The following SAMMSON variants were observed in gnomAD, a reference collection of about 807,000 sequenced individuals.
The protein encoded by SAMMSON is long intergenic non-protein coding RNA 1212.
chr3:70,315,080 A>T (rs1276248968), intron 7 of SAMMSON, among the ~76,000 whole-genome samples: 7 of 152,178 alleles, frequency 4.6e-5, no homozygotes, highest in Non-Finnish European at 4.4e-5. Flanking sequence ...ACTATGATAT[A>T]ATTATTTAAG....
intron 4 of SAMMSON, among the ~76,000 whole-genome samples, chr3:70,094,079 C>A (rs1405655130): frequency 6.6e-6 from 1 of 152,164 alleles, no homozygotes; most frequent in African/African-American, 2.4e-5. Context: ...GAAATTGGTG[C>A]AAATTATATA....
chr3:70,214,275 G>C (rs775007289), intron 4 of SAMMSON, among the ~76,000 whole-genome samples: 6 of 152,056 alleles, frequency 3.9e-5, no homozygotes, highest in Non-Finnish European at 5.9e-5. Flanking sequence ...AGACTTTCAA[G>C]TTAAAGTCAC....
intron 4 of SAMMSON, among the ~76,000 whole-genome samples, chr3:70,229,043 T>C (rs1223526321): frequency 1.3e-5 from 2 of 152,184 alleles, no homozygotes; most frequent in African/African-American, 4.8e-5. Flanking sequence ...CCACTTAGCC[T>C]CCACAGCTAA....
At chr3:70,220,890 C>T (rs1701456008) in intron 4 of SAMMSON, among the ~76,000 whole-genome samples, 1 of 152,118 alleles carries the variant, frequency 6.6e-6, no homozygotes, top group South Asian at 2.1e-4. Context: ...GGAGGGGAAC[C>T]ATGCCTTGGC....
intron 3 of SAMMSON, among the ~76,000 whole-genome samples, chr3:70,048,663 C>G (rs1427059825): frequency 6.6e-6 from 1 of 152,048 alleles, no homozygotes; most frequent in South Asian, 2.1e-4. Context: ...TGCTACTATA[C>G]CTATAACTAT....
chr3:70,068,588 T>C (rs1416218142), intron 3 of SAMMSON: 1 of 152,070 alleles, frequency 6.6e-6, no homozygotes, highest in African/African-American at 2.4e-5. Flanking sequence ...AATCAAGAAA[T>C]TATATTCTTT....
chr3:70,426,021 A>G (rs1436260154), intron 2 of SAMMSON, among the ~76,000 whole-genome samples: 1 of 152,224 alleles, frequency 6.6e-6, no homozygotes, highest in Non-Finnish European at 1.5e-5. Context: ...CAGAAGCAAT[A>G]TTGATTGGAA....
rs540112186 is a variant in SAMMSON, at chr3:70,017,724, C to T, written n.417+4052C>T. ...AGCATGATATTGGCTGTGGGTTTGT[C>T]ATAAATAGCTCTTATTATTTTGAGA... On this transcript the variant is annotated intron_variant and non_coding_transcript_variant, in intron 3 of 9. Coordinates refer to ENST00000642114, the Ensembl canonical transcript of SAMMSON. Among the ~76,000 whole-genome samples, 529 of 152,206 alleles carry T rather than the reference C, an allele frequency of 3.5e-3. 1 individual carries two copies. Among genetic ancestry groups the T allele is most frequent in the Non-Finnish European group, 6.3e-3 (428 of 68,026 alleles).
intron 7 of SAMMSON, among the ~76,000 whole-genome samples, chr3:70,330,295 T>C (rs1203132215): frequency 6.6e-6 from 1 of 151,924 alleles, no homozygotes; most frequent in Non-Finnish European, 1.5e-5. Context: ...TCTAAACCCT[T>C]CAAAACCCAC....
chr3:70,343,965 C>A (rs965560206), intron 7 of SAMMSON, among the ~76,000 whole-genome samples: 6 of 151,088 alleles, frequency 4.0e-5, no homozygotes, highest in African/African-American at 1.5e-4. Flanking sequence ...ATTGTTCTAT[C>A]TTTGGTCATT....
intron 4 of SAMMSON, among the ~76,000 whole-genome samples, chr3:70,145,541 A>T (rs1281394675): frequency 6.6e-6 from 1 of 152,128 alleles, no homozygotes; most frequent in Non-Finnish European, 1.5e-5. Context: ...CCAATAAGAG[A>T]AAGATAACAG....
intron 2 of SAMMSON, among the ~76,000 whole-genome samples, chr3:70,418,979 T>TTC (rs71129503): frequency 0.017 from 1,138 of 67,040 alleles, 26 homozygotes; most frequent in Non-Finnish European, 0.022. Context: ...CCTTCCTTCC[T>TTC]TCTCTCTCTC....
At chr3:70,272,528 T>A (rs1412950122) in intron 6 of SAMMSON, among the ~76,000 whole-genome samples, 1 of 152,264 alleles carries the variant, frequency 6.6e-6, no homozygotes, top group Non-Finnish European at 1.5e-5. Flanking sequence ...GGATGTTTCC[T>A]GTTTTTAGGT....
chr3:70,232,690 A>T (rs1340238872), intron 4 of SAMMSON, among the ~76,000 whole-genome samples: 1 of 151,836 alleles, frequency 6.6e-6, no homozygotes, highest in African/African-American at 2.4e-5. Flanking sequence ...CATTCCTGAA[A>T]CCCCTCAACA....
At chr3:70,431,614 G>C (rs1388322797) in intron 2 of SAMMSON, among the ~76,000 whole-genome samples, 1 of 151,922 alleles carries the variant, frequency 6.6e-6, no homozygotes, top group Non-Finnish European at 1.5e-5. Context: ...TTTTTATTCA[G>C]CTATAATTAA....
intron 4 of SAMMSON, among the ~76,000 whole-genome samples, chr3:70,171,620 G>A (rs9830677): frequency 0.39 from 59,602 of 151,684 alleles, 12,281 homozygotes; most frequent in East Asian, 0.72. Context: ...GTCTTTGGGG[G>A]GGGGAGCTTG....
At chr3:70,166,219 T>G (rs2067636354) in intron 4 of SAMMSON, among the ~76,000 whole-genome samples, 1 of 151,998 alleles carries the variant, frequency 6.6e-6, no homozygotes, top group South Asian at 2.1e-4. Flanking sequence ...TTAACCTCTC[T>G]GAAACCATTT....
chr3:70,284,208 T>C (rs1485329883), intron 6 of SAMMSON, among the ~76,000 whole-genome samples: 1 of 152,148 alleles, frequency 6.6e-6, no homozygotes, highest in Non-Finnish European at 1.5e-5. Flanking sequence ...TAATGAATAT[T>C]AACTACCAAG....
chr3:70,106,159 T>A (rs2067366632), intron 4 of SAMMSON, among the ~76,000 whole-genome samples: 1 of 152,178 alleles, frequency 6.6e-6, no homozygotes, highest in South Asian at 2.1e-4. Context: ...TCTTCTGATA[T>A]ATCCACTGAA....
Sources: gnomAD v4.1 joint callset for allele counts (sites outside exome capture counted in the v4.1 genomes callset) on GRCh38, gnomAD v4.1.1 for gene constraint, MANE v1.5 for transcripts, NCBI Gene and HGNC (gene_info 2026-07-23, HGNC 2026-07-21) for gene names.